TBC1D22B: variants seen among roughly 807,000 people sequenced by gnomAD.
TBC1D22B encodes chromosome 6 open reading frame 197.
A neutral mutation model predicts 69.1 loss-of-function variants in TBC1D22B; 32 were observed. The ratio of observed to expected loss-of-function variants is 0.46; its 90% CI spans 0.35 to 0.62. The LOEUF is 0.62. TBC1D22B is among the 20% of genes least tolerant of loss of function. TBC1D22B has a pLI of 0.00. For missense variants in TBC1D22B, 462 were observed against 630.9 expected (o/e 0.73, Z 2.87); for synonymous variants, 206 against 229.8 (o/e 0.90, Z 0.94).
intron 12 of TBC1D22B, among the ~76,000 whole-genome samples, chr6:37,326,787 CAAAAA>C (rs112364776): frequency 1.3e-5 from 2 of 149,530 alleles, no homozygotes; most frequent in South Asian, 4.2e-4. Context: ...GACTACGTCT[CAAAAA>C]AAAACAGAAA....
At chr6:37,276,007 C>T (rs1335631057) in intron 2 of TBC1D22B, among the ~76,000 whole-genome samples, 1 of 149,392 alleles carries the variant, frequency 6.7e-6, no homozygotes, top group Non-Finnish European at 1.5e-5. Context: ...CTCTATCACC[C>T]AGGCTGGAGT....
chr6:37,266,533 C>T (rs928853176), intron 1 of TBC1D22B, among the ~76,000 whole-genome samples: 11 of 150,662 alleles, frequency 7.3e-5, no homozygotes, highest in Non-Finnish European at 1.3e-4. Context: ...ACAATCTCGG[C>T]CCACTGCAAC....
At chr6:37,291,059 C>T (rs1767163357) in intron 7 of TBC1D22B, among the ~76,000 whole-genome samples, 184 bp from the exon 8 acceptor site, 1 of 152,198 alleles carries the variant, frequency 6.6e-6, no homozygotes, top group Non-Finnish European at 1.5e-5. Flanking sequence ...TCTACCCCTA[C>T]TTGAAAACAA....
chr6:37,296,216 C>T (rs185644477), intron 8 of TBC1D22B, among the ~76,000 whole-genome samples: 109 of 152,264 alleles, frequency 7.2e-4, no homozygotes, highest in African/African-American at 2.5e-3. Flanking sequence ...GAGCTGAGAT[C>T]GCACCACTGT....
chr6:37,328,323 GATA>G (rs200686233), intron 12 of TBC1D22B, among the ~76,000 whole-genome samples: 2,229 of 152,156 alleles, frequency 0.015, 55 homozygotes, highest in African/African-American at 0.051. Context: ...TAAATAGATA[GATA>G]GATAAAAATA....
intron 8 of TBC1D22B, among the ~76,000 whole-genome samples, chr6:37,298,608 C>T (rs377624003): frequency 4.4e-5 from 6 of 135,238 alleles, no homozygotes; most frequent in African/African-American, 8.5e-5. Flanking sequence ...TGCAGTGGCG[C>T]GATCTCGGCT....
Position 37,331,722 on chromosome 6 carries a change from A to T in TBC1D22B, c.*550A>T, listed in dbSNP as rs1424083648. 1 of 152,966 alleles carries T rather than the reference A, an allele frequency of 6.5e-6. No homozygotes were observed. Among genetic ancestry groups the T allele is most frequent in the Non-Finnish European group, 1.5e-5 (1 of 68,320 alleles). The allele number at this position is 152,966 out of a possible 1,614,324, so 9.5% of individuals were successfully genotyped here. A position where few individuals can be genotyped will look rare whatever the true frequency, so the allele number is the denominator to read the frequency against. On this transcript the variant is annotated 3_prime_UTR_variant, in exon 13 of 13. Coordinates refer to ENST00000373491, the MANE Select transcript of TBC1D22B (RefSeq NM_017772.4). ...CACTGATGCTTGTAACTCTGGAAAG[A>T]GGCCTACACCCAAGGGCTAGGAATT... is the stretch of plus-strand genomic sequence containing the variant.
chr6:37,271,617 A>G (rs1228508331), intron 2 of TBC1D22B, among the ~76,000 whole-genome samples: 1 of 152,232 alleles, frequency 6.6e-6, no homozygotes, highest in Non-Finnish European at 1.5e-5. Context: ...TTTTTAAAAA[A>G]GAGAAGAAAA....
chr6:37,319,815 C>T (rs1254782471), intron 12 of TBC1D22B, among the ~76,000 whole-genome samples: 19 of 152,132 alleles, frequency 1.2e-4, no homozygotes, highest in Admixed American at 1.2e-3. Flanking sequence ...CTTTAGGAGA[C>T]AGAATCATGG....
Position 37,331,068 on chromosome 6 carries a change from C to G in TBC1D22B, c.1414C>G (p.Leu472Val). ...FQGLLMLLQN[L>V]PTIHWGNEEI... The stretch of plus-strand genomic sequence containing the variant: ...GGGTCTCCTCATGCTGCTACAGAAC[C>G]TACCTACAATACACTGGGGCAACGA... Residue 472 changes from leucine to valine, a missense_variant, in exon 13 of 13, where the codon CTA becomes GTA. Leu to Val is a conservative substitution (Grantham distance 32, BLOSUM62 1). Coordinates refer to ENST00000373491, the MANE Select transcript of TBC1D22B (RefSeq NM_017772.4). 1 of 1,614,142 alleles carries G rather than the reference C, an allele frequency of 6.2e-7. No homozygotes were observed. Among genetic ancestry groups the G allele is most frequent in the Non-Finnish European group, 8.5e-7 (1 of 1,180,002 alleles).
In TBC1D22B at chr6:37,279,291, T is replaced by G. The variant is rs1486263032; in HGVS notation, c.114-13T>G. The stretch of plus-strand genomic sequence containing the variant: ...CAGGCCATTCCTTGGTAATCGTGTC[T>G]CCTTTCTTGAAGTTTCATTAAAGAA... On this transcript the variant is annotated splice_polypyrimidine_tract_variant and intron_variant, in intron 2 of 12. Coordinates refer to ENST00000373491, the MANE Select transcript of TBC1D22B (RefSeq NM_017772.4). The G allele has an allele frequency of 6.3e-7, 1 of 1,584,056 alleles. No homozygotes were observed. The highest frequency in any genetic ancestry group is 8.6e-7 in the Non-Finnish European group (1 of 1,165,592).
chr6:37,299,052 G>T (rs1470696815), intron 8 of TBC1D22B, among the ~76,000 whole-genome samples: 2 of 152,192 alleles, frequency 1.3e-5, no homozygotes, highest in Non-Finnish European at 2.9e-5. Flanking sequence ...GAAATGTGTG[G>T]ATGCACTTTT....
At chr6:37,306,562 C>T (rs1216663850) in intron 8 of TBC1D22B, among the ~76,000 whole-genome samples, 5 of 152,190 alleles carry the variant, frequency 3.3e-5, no homozygotes, top group South Asian at 2.1e-4. Context: ...AGTTTGGGCT[C>T]ATATAATCTG....
At chr6:37,289,509 C>T (rs1767111268) in intron 7 of TBC1D22B, among the ~76,000 whole-genome samples, 1 of 152,202 alleles carries the variant, frequency 6.6e-6, no homozygotes, top group African/African-American at 2.4e-5. Flanking sequence ...TCCACCCTGA[C>T]TAGAGAGGAT....
At position 37,331,251 on chromosome 6, in the gene TBC1D22B, G is replaced by T. The variant is rs1244062853; in HGVS notation, c.*79G>T. 3.3e-6 allele frequency: 5 copies of T among 1,498,462 alleles called. No individual in the cohort carries two copies. The highest frequency in any genetic ancestry group is 4.6e-6 in the Non-Finnish European group (5 of 1,086,062). The allele number at this position is 1,498,462 out of a possible 1,614,324, so 92.8% of individuals were successfully genotyped here. Reference sequence around the variant, plus strand: ...CACTGTGGCCACTGTGCGAGCCGTGGACCCCGGCCAGGAACCACTCCTGTT... The same window carrying T: ...CACTGTGGCCACTGTGCGAGCCGTGTACCCCGGCCAGGAACCACTCCTGTT... On this transcript the variant is annotated 3_prime_UTR_variant, in exon 13 of 13. Transcript: ENST00000373491.
Position 37,327,611 on chromosome 6 carries a change from T to C in TBC1D22B, c.1390-3433T>C, listed in dbSNP as rs578158233. 9.2e-5 allele frequency among the ~76,000 whole-genome samples: 14 copies of C among 151,938 alleles called. No homozygotes were observed. The South Asian group carries it at 2.1e-3, about 23-fold the overall frequency. On this transcript the variant is annotated intron_variant, in intron 12 of 12. Coordinates refer to ENST00000373491, the MANE Select transcript of TBC1D22B (RefSeq NM_017772.4). ...AATAGAACCAAGAGGGAATTACTCC[T>C]GTGAGAGGGGAATATTCCAAAGATG...
At chr6:37,288,108 C>T (rs753561984) in intron 7 of TBC1D22B, among the ~76,000 whole-genome samples, 1 of 152,094 alleles carries the variant, frequency 6.6e-6, no homozygotes, top group Non-Finnish European at 1.5e-5. Flanking sequence ...GGTTAAAATG[C>T]TGAAAATAAT....
intron 6 of TBC1D22B, among the ~76,000 whole-genome samples, chr6:37,286,737 A>G (rs1474905717): frequency 1.3e-5 from 2 of 151,010 alleles, no homozygotes; most frequent in East Asian, 4.1e-4. Flanking sequence ...TGAGGTCAAG[A>G]GTTCGAGATC....
intron 12 of TBC1D22B, among the ~76,000 whole-genome samples, chr6:37,330,732 G>A (rs570116222): frequency 4.6e-5 from 7 of 152,324 alleles, no homozygotes; most frequent in African/African-American, 1.7e-4. Flanking sequence ...AAGATTAAGA[G>A]AGGTATATTT....
Sources: gnomAD v4.1 joint callset for allele counts (sites outside exome capture counted in the v4.1 genomes callset) on GRCh38, gnomAD v4.1.1 for gene constraint, MANE v1.5 for transcripts, NCBI Gene and HGNC (gene_info 2026-07-23, HGNC 2026-07-21) for gene names.